Variants in UCHL5 observed in about 807,000 individuals in gnomAD.
UCHL5 encodes the protein ubiquitin carboxyl-terminal hydrolase isozyme L5.
A neutral mutation model predicts 53.8 loss-of-function variants in UCHL5; 34 were observed. That is an observed-to-expected ratio of 0.63 (90% confidence interval 0.48 to 0.84). The LOEUF is 0.84. Ranked by LOEUF, UCHL5 falls within the 40% of genes least tolerant of loss-of-function variation. The pLI is 0.00. For missense variants in UCHL5, 290 were observed against 385.6 expected (o/e 0.75, Z 2.08); for synonymous variants, 111 against 126.3 (o/e 0.88, Z 0.81).
At position 193,013,633 on chromosome 1, in the gene UCHL5, C is replaced by T. The variant is rs542609562; in HGVS notation, c.*2718G>A. ...CTCTAAATGGTTTTTGAGGAGAATA[C>T]ATTAAAAGCCCTTTTTTTCCCTCAA... On this transcript the variant is annotated 3_prime_UTR_variant, in exon 11 of 11. Transcript: ENST00000367454. 4 of 152,026 alleles carry T rather than the reference C, an allele frequency of 2.6e-5. No homozygotes were observed. The highest frequency in any genetic ancestry group is 2.1e-4 in the South Asian group (1 of 4,814). The allele number at this position is 152,026 out of a possible 1,614,324, so 9.4% of individuals were successfully genotyped here. A position where few individuals can be genotyped will look rare whatever the true frequency, so the allele number is the denominator to read the frequency against.
At chr1:193,031,013 G>T (rs1438938704) in intron 3 of UCHL5, among the ~76,000 whole-genome samples, 1 of 152,114 alleles carries the variant, frequency 6.6e-6, no homozygotes, top group Non-Finnish European at 1.5e-5. Context: ...TAAAATTGAT[G>T]AATTAGGAAA....
intron 3 of UCHL5, among the ~76,000 whole-genome samples, chr1:193,034,759 T>C (rs191207610): frequency 1.4e-4 from 21 of 152,284 alleles, no homozygotes; most frequent in African/African-American, 4.8e-4. Context: ...CAAGTGGGCT[T>C]ATCCCAGGTT....
Position 193,029,281 on chromosome 1 carries a change from T to G in UCHL5, c.463A>C (p.Thr155Pro), listed in dbSNP as rs1293496055. The G allele has an allele frequency of 6.2e-7, 1 of 1,613,834 alleles. No individual in the cohort carries two copies. The change falls in exon 6 of 11, where the codon ACA becomes CCA. Residue 155 changes from threonine to proline, a missense_variant. By Grantham distance (38) the Thr-to-Pro change is conservative. Transcript: ENST00000367454. The stretch of plus-strand genomic sequence containing the variant: ...AAAGCATCTTCTTCTTTTGCTGATG[T>G]CTTCGTATCAAATTCAAACATTTGC... The part of the protein sequence containing the change: ...RQQMFEFDTK[T>P]SAKEEDAFHF...
At chr1:193,034,908 A>G (rs1382484148) in intron 3 of UCHL5, among the ~76,000 whole-genome samples, 1 of 152,086 alleles carries the variant, frequency 6.6e-6, no homozygotes, top group Admixed American at 6.5e-5. Context: ...CATAATAAAC[A>G]CACTAATTAA....
intron 3 of UCHL5, among the ~76,000 whole-genome samples, chr1:193,031,627 C>CA (rs1256566021): frequency 1.3e-5 from 2 of 151,930 alleles, no homozygotes; most frequent in East Asian, 1.9e-4. Flanking sequence ...ACAAAATTAA[C>CA]AAAAAACAAA....
At chr1:193,050,038 C>T (rs1668526849) in intron 2 of UCHL5, among the ~76,000 whole-genome samples, 187 bp from the exon 3 acceptor site, 1 of 152,114 alleles carries the variant, frequency 6.6e-6, no homozygotes, top group South Asian at 2.1e-4. Flanking sequence ...GCTAATACAA[C>T]TTAAAATTAT....
intron 9 of UCHL5, among the ~76,000 whole-genome samples, 192 bp downstream of exon 9, chr1:193,022,734 C>T (rs917625120): frequency 2.0e-5 from 3 of 151,098 alleles, no homozygotes; most frequent in Admixed American, 1.3e-4. Context: ...AATTCTATTC[C>T]TAATAATATT....
intron 3 of UCHL5, among the ~76,000 whole-genome samples, chr1:193,039,239 A>G (rs1312012781): frequency 6.6e-6 from 1 of 151,898 alleles, no homozygotes; most frequent in South Asian, 2.1e-4. Flanking sequence ...GCAAAATCCT[A>G]TCTCTACTAA....
chr1:193,059,945 G>A (rs1417894667), upstream of UCHL5: 1 of 1,366,308 alleles, frequency 7.3e-7, no homozygotes, highest in East Asian at 4.5e-5. This position sits in a 1 kb window ranked among gnomAD's most constrained non-coding sequence, Gnocchi z 4.9. Flanking sequence ...TCCACCCTGG[G>A]TAACGGAACC....
At position 193,021,145 on chromosome 1, in the gene UCHL5, C is replaced by T. The variant is rs745929302; in HGVS notation, c.894G>A (p.Leu298=). The T allele has an allele frequency of 1.9e-6, 3 of 1,610,840 alleles. No individual in the cohort carries two copies. The highest frequency in any genetic ancestry group is 1.3e-5 in the African/African-American group (1 of 74,948). ...KHNYLPFIME[L]LKTLAEHQQL... Reference sequence around the variant, plus strand: ...GCTGGTGTTCTGCTAAAGTCTTTAACAATTCCATAATGAAAGGCAGATAAT... The same window carrying T: ...GCTGGTGTTCTGCTAAAGTCTTTAATAATTCCATAATGAAAGGCAGATAAT... Residue 298 remains leucine, a synonymous_variant, in exon 10 of 11, where the codon TTG becomes TTA. Coordinates refer to ENST00000367454, the MANE Select transcript of UCHL5 (RefSeq NM_001199261.3).
At chr1:193,036,317 CAAAAA>C (rs960496083) in intron 3 of UCHL5, among the ~76,000 whole-genome samples, 12 of 50,796 alleles carry the variant, frequency 2.4e-4, no homozygotes, top group African/African-American at 1.1e-3. Flanking sequence ...AACTGGAAAC[CAAAAA>C]AAAAAAAAAA....
At chr1:193,060,028 G>A, upstream of UCHL5, 1 of 1,351,282 alleles carries the variant, frequency 7.4e-7, no homozygotes, top group Non-Finnish European at 9.9e-7. Context: ...CCGAAGCCGG[G>A]ACCGCTCCTG....
intron 1 of UCHL5, among the ~76,000 whole-genome samples, chr1:193,058,199 C>G (rs1671358447): frequency 6.6e-6 from 1 of 151,942 alleles, no homozygotes; most frequent in African/African-American, 2.4e-5. Flanking sequence ...TGCACTCCAG[C>G]CTGGGCGACA....
rs930207813 is a variant in UCHL5 at position 193,048,253 on chromosome 1, C to T, written c.246+1493G>A. ...CAGTCTGTGGCTTTGTGAACAAACA[C>T]CTAATAATATTTGTTGTTGTTGATA... On this transcript the variant is annotated intron_variant, in intron 3 of 10. Transcript: ENST00000367454. Among the ~76,000 whole-genome samples, 15 of 152,200 alleles carry T rather than the reference C, an allele frequency of 9.9e-5. No homozygotes were observed. The South Asian group carries it at 2.9e-3, about 29-fold the overall frequency.
At chr1:193,016,731 C>T (rs1172312061) in intron 10 of UCHL5, among the ~76,000 whole-genome samples, 3 of 151,678 alleles carry the variant, frequency 2.0e-5, no homozygotes, top group Non-Finnish European at 4.4e-5. Flanking sequence ...CACATATTTG[C>T]CCATTTCCTA....
At chr1:193,020,199 CTTA>C in intron 10 of UCHL5, 1 of 1,372,154 alleles carries the variant, frequency 7.3e-7, no homozygotes, top group Non-Finnish European at 9.5e-7. Flanking sequence ...ACACAAAAAA[CTTA>C]TTAGCTCACA....
At chr1:193,024,200 G>A (rs574003199) in intron 7 of UCHL5, among the ~76,000 whole-genome samples, 1 of 151,102 alleles carries the variant, frequency 6.6e-6, no homozygotes, top group Admixed American at 6.6e-5. Flanking sequence ...CTATGATAGT[G>A]CACTATACTC....
chr1:193,050,599 A>C (rs925065875), intron 2 of UCHL5, among the ~76,000 whole-genome samples: 8 of 152,046 alleles, frequency 5.3e-5, no homozygotes, highest in Non-Finnish European at 1.2e-4. Context: ...CAAAAAAATT[A>C]GCCAGGCATG....
At chr1:193,051,586 T>C (rs1669073354) in intron 2 of UCHL5, among the ~76,000 whole-genome samples, 168 bp downstream of exon 2, 1 of 151,806 alleles carries the variant, frequency 6.6e-6, no homozygotes. Context: ...GGTTCTTAGT[T>C]ATAAAAAAAT....
Sources: allele counts gnomAD v4.1 joint callset (sites outside exome capture counted in the v4.1 genomes callset), GRCh38; gene constraint gnomAD v4.1.1; non-coding constraint Gnocchi (gnomAD v3.1); transcripts MANE v1.5; gene names NCBI Gene and HGNC (gene_info 2026-07-23, HGNC 2026-07-21).